The following GSDMC variants were observed in gnomAD, a reference collection of about 807,000 sequenced individuals.
GSDMC encodes the protein gasdermin-C.
Under a neutral mutation model 58.0 loss-of-function variants are expected in GSDMC, and 59 were observed. The observed-to-expected ratio is 1.02, with a 90% CI of 0.82 to 1.26. The LOEUF is 1.26. Among genes scored for constraint, GSDMC ranks in the 50% most tolerant of loss-of-function variants. GSDMC has a pLI of 0.00. For synonymous variants in GSDMC, 241 were observed against 220.2 expected (o/e 1.09, Z -0.83); for missense variants, 659 against 598.5 (o/e 1.10, Z -1.06).
chr8:129,753,022 C>A, intron 6 of GSDMC: 1 of 932,506 alleles, frequency 1.1e-6, no homozygotes, highest in Non-Finnish European at 1.5e-6. Flanking sequence ...CAAATGCCAG[C>A]CAAAGAGCTC....
rs1035442991 is a variant in GSDMC at position 129,752,268 on chromosome 8, T to C, written c.845-121A>G. 90 of 793,206 alleles carry C rather than the reference T, an allele frequency of 1.1e-4. No individual in the cohort carries two copies. The East Asian group carries it at 2.3e-3, about 21-fold the overall frequency. 49.1% of individuals were successfully genotyped at this position (793,206 alleles called of 1,614,324 possible). A position where few individuals can be genotyped will look rare whatever the true frequency, so the allele number is the denominator to read the frequency against. ...CTCTATCCTCCCCTTATTTCTCACATGTTCCATCAGTTCAGTTAAAAAACT... is the reference window on the plus strand; with the variant it reads ...CTCTATCCTCCCCTTATTTCTCACACGTTCCATCAGTTCAGTTAAAAAACT... On this transcript the variant is annotated intron_variant, in intron 7 of 13. Transcript: ENST00000276708.
chr8:129,774,287 A>AT (rs1424025667), intron 3 of GSDMC, among the ~76,000 whole-genome samples: 29 of 152,322 alleles, frequency 1.9e-4, no homozygotes, highest in Middle Eastern at 3.4e-3. Flanking sequence ...CGTGACAAGA[A>AT]AAGACAGTGA....
downstream of GSDMC, among the ~76,000 whole-genome samples, chr8:129,743,818 A>G (rs933860753): frequency 2.0e-5 from 3 of 152,224 alleles, no homozygotes; most frequent in Admixed American, 6.6e-5. Flanking sequence ...CTACTAAGAC[A>G]TGATCCTTCT....
At chr8:129,747,016 G>A (rs1057437929), downstream of GSDMC, among the ~76,000 whole-genome samples, 14 of 151,602 alleles carry the variant, frequency 9.2e-5, no homozygotes, top group Admixed American at 4.6e-4. Flanking sequence ...TTGGGAGGCC[G>A]AAGCAGGCAG....
At chr8:129,775,169 C>T (rs2034181788) in intron 3 of GSDMC, among the ~76,000 whole-genome samples, 1 of 152,102 alleles carries the variant, frequency 6.6e-6, no homozygotes, top group Non-Finnish European at 1.5e-5. Flanking sequence ...AACCTAAGTG[C>T]CTGTCAACAG....
rs115551816 is a variant in GSDMC, at chr8:129,777,578, T to C, written c.10A>G (p.Met4Val). MPS[M>V]LERISKNLVK... The stretch of plus-strand genomic sequence containing the variant: ...AAATTTTTGCTAATGCGTTCCAACA[T>C]GGAGGGCATGTTGCTAGGAGGAGAT... The change falls in exon 2 of 14, where the codon ATG becomes GTG. Residue 4 changes from methionine to valine, a missense_variant. Met to Val is a conservative substitution (Grantham distance 21). Transcript: ENST00000276708. 6.9e-6 allele frequency: 11 copies of C among 1,588,476 alleles called. No homozygotes were observed. The highest frequency in any genetic ancestry group is 5.5e-5 in the South Asian group (5 of 90,670).
chr8:129,745,652 C>A (rs1483292687), downstream of GSDMC, among the ~76,000 whole-genome samples: 1 of 151,518 alleles, frequency 6.6e-6, no homozygotes, highest in Non-Finnish European at 1.5e-5. Flanking sequence ...ACTCCAGGTG[C>A]ATAGAATAAT....
intron 3 of GSDMC, 46 bp from the exon 4 acceptor site, chr8:129,765,839 T>C: frequency 6.4e-7 from 1 of 1,556,368 alleles, no homozygotes; most frequent in Non-Finnish European, 8.8e-7. Context: ...GGGAAAGTGA[T>C]GGCTTTTCAG....
chr8:129,707,328 C>A, the GSDMC span: 1 of 152,138 alleles, frequency 6.6e-6, no homozygotes, highest in Non-Finnish European at 1.5e-5. Flanking sequence ...AATATAGAGC[C>A]TCTTGTTCAA....
chr8:129,780,329 T>C (rs116721050), intron 1 of GSDMC, among the ~76,000 whole-genome samples: 2,162 of 152,180 alleles, frequency 0.014, 60 homozygotes, highest in African/African-American at 0.049. Flanking sequence ...CAAAGAAGAC[T>C]ACCTCAGGCA....
At chr8:129,716,572 A>G in the GSDMC span, among the ~76,000 whole-genome samples, 1 of 152,336 alleles carries the variant, frequency 6.6e-6, no homozygotes, top group South Asian at 2.1e-4. Flanking sequence ...AACAGAGACA[A>G]CTTGACTTCC....
the GSDMC span, among the ~76,000 whole-genome samples, chr8:129,738,666 G>A: frequency 6.6e-6 from 1 of 152,130 alleles, no homozygotes; most frequent in Non-Finnish European, 1.5e-5. Flanking sequence ...GGGGTGGGGA[G>A]CAGGGGGAGG....
At chr8:129,746,606 C>A (rs1362453918), downstream of GSDMC, among the ~76,000 whole-genome samples, 1 of 152,156 alleles carries the variant, frequency 6.6e-6, no homozygotes, top group Non-Finnish European at 1.5e-5. Flanking sequence ...GACTGAGACA[C>A]AGGTATTGCC....
At chr8:129,784,124 C>G (rs1333597245) in intron 1 of GSDMC, among the ~76,000 whole-genome samples, 1 of 152,128 alleles carries the variant, frequency 6.6e-6, no homozygotes, top group Non-Finnish European at 1.5e-5. Context: ...TGTAAAGCCT[C>G]AAACTGTGAA....
the GSDMC span, among the ~76,000 whole-genome samples, chr8:129,722,341 A>G: frequency 6.6e-6 from 1 of 152,286 alleles, no homozygotes; most frequent in South Asian, 2.1e-4. Flanking sequence ...TGAAGGAGTT[A>G]CAGTTTTATT....
the GSDMC span, chr8:129,730,040 G>A: frequency 8.2e-7 from 1 of 1,220,118 alleles, no homozygotes. Flanking sequence ...GAAGGAAAAG[G>A]AGTATTCCTT....
the GSDMC span, among the ~76,000 whole-genome samples, chr8:129,740,341 C>T: frequency 4.6e-5 from 7 of 152,162 alleles, no homozygotes; most frequent in Non-Finnish European, 7.3e-5. Context: ...ATTCACTCAC[C>T]GCTCACTCAC....
At chr8:129,714,517 G>C in the GSDMC span, among the ~76,000 whole-genome samples, 1 of 152,170 alleles carries the variant, frequency 6.6e-6, no homozygotes, top group Non-Finnish European at 1.5e-5. Flanking sequence ...TATTTTCACT[G>C]TGTATCTTAT....
rs759208991 is a variant in GSDMC at position 129,765,614 on chromosome 8, G to A, written c.570+14C>T. On this transcript the variant is annotated intron_variant, in intron 4 of 13. Transcript: ENST00000276708. The stretch of plus-strand genomic sequence containing the variant: ...TTTTTTGAATTTCAATCCCACTTCA[G>A]GACAACTTTATACCTTGCCATAGGT... 2.5e-5 allele frequency: 40 copies of A among 1,606,198 alleles called. No individual in the cohort carries two copies. Among genetic ancestry groups the A allele is most frequent in the Non-Finnish European group, 3.3e-5 (39 of 1,173,258 alleles).
Sources: gnomAD v4.1 joint callset for allele counts (sites outside exome capture counted in the v4.1 genomes callset) on GRCh38, gnomAD v4.1.1 for gene constraint, MANE v1.5 for transcripts, NCBI Gene and HGNC (gene_info 2026-07-23, HGNC 2026-07-21) for gene names.